The following ADAMTS12 variants were observed in gnomAD, a reference collection of about 807,000 sequenced individuals.
ADAMTS12 encodes the protein ADAM metallopeptidase with thrombospondin type 1 motif 12.
In ADAMTS12, 118 loss-of-function variants were observed where a neutral mutation model predicts 167.8. That is an observed-to-expected ratio of 0.70 (90% CI 0.61 to 0.82). The LOEUF is 0.82. Among genes scored for constraint, ADAMTS12 ranks in the 40% least tolerant of loss-of-function variants. The pLI, the probability that ADAMTS12 is intolerant of heterozygous loss-of-function variation, is 0.00. For synonymous variants in ADAMTS12, 704 were observed against 716.9 expected (o/e 0.98, Z 0.29); for missense variants, 1,916 against 1,998.8 (o/e 0.96, Z 0.79).
intron 16 of ADAMTS12, among the ~76,000 whole-genome samples, chr5:33,606,257 C>T (rs1028441783): frequency 2.6e-5 from 4 of 152,120 alleles, no homozygotes; most frequent in African/African-American, 7.2e-5. Context: ...CCAGAGGCTA[C>T]AATCTTAATG....
chr5:33,683,756 T>C (rs1742217965), intron 4 of ADAMTS12, 103 bp downstream of exon 4: 1 of 781,224 alleles, frequency 1.3e-6, no homozygotes, highest in African/African-American at 1.8e-5. Flanking sequence ...TTTATAAAAA[T>C]AAGTTAAAAG....
intron 2 of ADAMTS12, among the ~76,000 whole-genome samples, chr5:33,849,320 T>TATATATATATGTATTGCATAGCA (rs1749099719): frequency 2.6e-5 from 2 of 75,748 alleles, no homozygotes; most frequent in East Asian, 5.5e-4. Flanking sequence ...ATTGCATAGC[T>TATATATATATGTATTGCATAGCA]ATATATATAT....
At chr5:33,745,420 A>G (rs1265859162) in intron 3 of ADAMTS12, among the ~76,000 whole-genome samples, 3 of 152,184 alleles carry the variant, frequency 2.0e-5, no homozygotes, top group African/African-American at 7.2e-5. Flanking sequence ...CTGTCCTACA[A>G]AAGAACCATC....
At chr5:33,810,072 G>A (rs1747395464) in intron 2 of ADAMTS12, among the ~76,000 whole-genome samples, 1 of 151,766 alleles carries the variant, frequency 6.6e-6, no homozygotes, top group Admixed American at 6.6e-5. Context: ...GTGCTCAGGG[G>A]AGAGGCAGGA....
intron 11 of ADAMTS12, 72 bp downstream of exon 11, chr5:33,641,738 C>T (rs1740451761): frequency 5.0e-6 from 7 of 1,411,450 alleles, no homozygotes; most frequent in Non-Finnish European, 6.6e-6. Flanking sequence ...TGAGGTCATG[C>T]CATTCAAGAC....
intron 12 of ADAMTS12, among the ~76,000 whole-genome samples, chr5:33,636,050 T>G (rs1307438950): frequency 6.6e-6 from 1 of 152,198 alleles, no homozygotes; most frequent in Non-Finnish European, 1.5e-5. Flanking sequence ...TAGTACCTAT[T>G]GCTTTGCTAG....
intron 17 of ADAMTS12, among the ~76,000 whole-genome samples, chr5:33,589,573 G>A (rs569410536): frequency 7.4e-4 from 113 of 152,222 alleles, no homozygotes; most frequent in African/African-American, 2.6e-3. Flanking sequence ...TTTGAAAATG[G>A]CAGGGAGCCA....
chr5:33,848,327 C>T (rs1279809285), intron 2 of ADAMTS12, among the ~76,000 whole-genome samples: 2 of 152,128 alleles, frequency 1.3e-5, no homozygotes, highest in Non-Finnish European at 2.9e-5. Context: ...CCTGAAGTGC[C>T]AGTTGTCACC....
chr5:33,694,774 A>G (rs1471476473), intron 3 of ADAMTS12, among the ~76,000 whole-genome samples: 1 of 152,240 alleles, frequency 6.6e-6, no homozygotes, highest in Non-Finnish European at 1.5e-5. Flanking sequence ...ATGATAAAAA[A>G]GAATGTGAAC....
intron 3 of ADAMTS12, among the ~76,000 whole-genome samples, chr5:33,750,009 AT>A (rs1216002563): frequency 6.6e-6 from 1 of 152,172 alleles, no homozygotes; most frequent in Non-Finnish European, 1.5e-5. Flanking sequence ...TGTTCTAGTG[AT>A]TTAAAAGGTA....
chr5:33,677,298 T>G (rs1264309532), intron 5 of ADAMTS12, among the ~76,000 whole-genome samples: 1 of 152,212 alleles, frequency 6.6e-6, no homozygotes, highest in East Asian at 1.9e-4. Context: ...CCAGATACTA[T>G]GCTAAGTATT....
intron 2 of ADAMTS12, among the ~76,000 whole-genome samples, chr5:33,760,297 T>G (rs1304007781): frequency 2.6e-5 from 4 of 151,996 alleles, no homozygotes; most frequent in Non-Finnish European, 5.9e-5. Flanking sequence ...GATTGCAGTT[T>G]GTAAAGACTA....
At chr5:33,562,778 T>C (rs979775535) in intron 19 of ADAMTS12, among the ~76,000 whole-genome samples, 8 of 152,044 alleles carry the variant, frequency 5.3e-5, no homozygotes, top group African/African-American at 1.9e-4. Flanking sequence ...ATTACAGGTG[T>C]GTGCCACCAC....
At chr5:33,719,382 G>C (rs895203373) in intron 3 of ADAMTS12, among the ~76,000 whole-genome samples, 1 of 152,146 alleles carries the variant, frequency 6.6e-6, no homozygotes, top group African/African-American at 2.4e-5. Flanking sequence ...ATACACTCTG[G>C]GTTGGGTGAA....
At chr5:33,639,317 T>C (rs1206131924) in intron 11 of ADAMTS12, among the ~76,000 whole-genome samples, 6 of 152,190 alleles carry the variant, frequency 3.9e-5, no homozygotes, top group Non-Finnish European at 7.3e-5. Flanking sequence ...CCATGCTCTA[T>C]GCTTCCTAGA....
Position 33,649,568 on chromosome 5 carries a change from G to A in ADAMTS12, c.1320C>T (p.Ile440=), listed in dbSNP as rs181385615. The A allele has an allele frequency of 2.0e-4, 318 of 1,613,836 alleles. No individual in the cohort carries two copies. Among genetic ancestry groups the A allele is most frequent in the Non-Finnish European group, 2.5e-4 (295 of 1,179,798 alleles). ...CTGTCACTTACTCCAAGAAGCGGGT[G>A]ATGTACTCCTCGCTGCACTTGGACC... The part of the protein sequence containing the change: ...LTWSKCSEEY[I]TRFLDRGWGF... Residue 440 remains isoleucine, a synonymous_variant, in exon 8 of 24, where the codon ATC becomes ATT. Coordinates refer to ENST00000504830, the MANE Select transcript of ADAMTS12 (RefSeq NM_030955.4).
intron 2 of ADAMTS12, among the ~76,000 whole-genome samples, chr5:33,847,586 G>A (rs763953996): frequency 6.6e-6 from 1 of 151,560 alleles, no homozygotes; most frequent in Non-Finnish European, 1.5e-5. Flanking sequence ...TCGCGCCATT[G>A]CACTCCAGCC....
In ADAMTS12 at chr5:33,849,343, A is replaced by T. The variant is rs181770645; in HGVS notation, c.489+31776T>A. Reference sequence around the variant, plus strand: ...GCTATATATATATGTATTGAATAGCAATATATATATGTATTGAATAGCAAT... The same window carrying T: ...GCTATATATATATGTATTGAATAGCTATATATATATGTATTGAATAGCAAT... On this transcript the variant is annotated intron_variant, in intron 2 of 23. Transcript: ENST00000504830. 2.3e-4 allele frequency among the ~76,000 whole-genome samples: 30 copies of T among 130,290 alleles called. 1 individual carries two copies. The highest frequency in any genetic ancestry group is 6.1e-4 in the Admixed American group (7 of 11,526). The allele number at this position is 130,290 out of a possible 152,430, so 85.5% of individuals were successfully genotyped here.
intron 22 of ADAMTS12, among the ~76,000 whole-genome samples, chr5:33,545,560 A>G (rs566946758): frequency 6.6e-6 from 1 of 152,228 alleles, no homozygotes; most frequent in Non-Finnish European, 1.5e-5. Flanking sequence ...ACACATGCAC[A>G]TGTATGTTTA....
Sources: gnomAD v4.1 joint callset for allele counts (sites outside exome capture counted in the v4.1 genomes callset) on GRCh38, gnomAD v4.1.1 for gene constraint, MANE v1.5 for transcripts, NCBI Gene and HGNC (gene_info 2026-07-23, HGNC 2026-07-21) for gene names.